The following LAPTM5 variants were observed in gnomAD, a reference collection of about 807,000 sequenced individuals.
The protein encoded by LAPTM5 is lysosomal protein transmembrane 5, also known as lysosomal-associated transmembrane protein 5.
In LAPTM5, 11 loss-of-function variants were observed where a neutral mutation model predicts 30.1. The ratio of observed to expected loss-of-function variants is 0.37; its 90% confidence interval spans 0.23 to 0.60. The LOEUF (loss-of-function observed/expected upper bound fraction) is 0.60, where lower values mean the gene tolerates loss of function less well. Ranked by LOEUF, LAPTM5 falls within the 20% of genes least tolerant of loss-of-function variation. LAPTM5 has a pLI of 0.71. For missense variants in LAPTM5, 324 were observed against 332.5 expected, an observed-to-expected ratio of 0.97 and a Z score of 0.20; for synonymous variants, 151 against 137.9, an observed-to-expected ratio of 1.10 and a Z score of -0.67.
At chr1:30,753,778 C>T (rs568112260) in intron 1 of LAPTM5, among the ~76,000 whole-genome samples, 198 of 152,268 alleles carry the variant, frequency 1.3e-3, no homozygotes, top group Non-Finnish European at 2.3e-3. Context: ...TAACAGCCCA[C>T]GAATATTCAT....
intron 2 of LAPTM5, 35 bp from the exon 3 acceptor site, chr1:30,741,751 G>A: frequency 6.5e-7 from 1 of 1,533,040 alleles, no homozygotes; most frequent in Non-Finnish European, 8.9e-7. Flanking sequence ...GTGCTCAGGG[G>A]TGCCCCTGGG....
chr1:30,738,727 C>T (rs1639924927), intron 5 of LAPTM5, among the ~76,000 whole-genome samples: 1 of 152,234 alleles, frequency 6.6e-6, no homozygotes, highest in Non-Finnish European at 1.5e-5. Flanking sequence ...TGCTTCTTTG[C>T]TTGGCTTCCT....
Position 30,733,765 on chromosome 1 carries a change from C to T in LAPTM5, c.*63G>A. Reference sequence around the variant, plus strand: ...ACCCAGGCCACAGGGGCCACCAAAGCAAAAAAGCAGATTATGAGGCAGCTC... The same window carrying T: ...ACCCAGGCCACAGGGGCCACCAAAGTAAAAAAGCAGATTATGAGGCAGCTC... On this transcript the variant is annotated 3_prime_UTR_variant, in exon 8 of 8. Coordinates refer to ENST00000294507, the MANE Select transcript of LAPTM5 (RefSeq NM_006762.3). 1 of 1,555,660 alleles carries T rather than the reference C, an allele frequency of 6.4e-7. No homozygotes were observed. Among genetic ancestry groups the T allele is most frequent in the South Asian group, 1.2e-5 (1 of 84,624 alleles).
chr1:30,737,633 T>C lies in LAPTM5; in HGVS notation c.577A>G (p.Ile193Val). The change falls in exon 6 of 8, where the codon ATC (isoleucine) becomes GTC (valine). Residue 193 changes from isoleucine (I) to valine (V), a missense_variant. By Grantham distance (29) the Ile-to-Val change is conservative. Transcript: ENST00000294507. ...QFIKMMIIFS[I>V]AFITVLIFKV... ...AAGATAAGGACAGTGATGAAGGCGATGGAAAAGATGATCATCATCTTGATG... is the reference window on the plus strand; with the variant it reads ...AAGATAAGGACAGTGATGAAGGCGACGGAAAAGATGATCATCATCTTGATG... 2.5e-6 allele frequency: 4 copies of C among 1,613,612 alleles called. No individual in the cohort carries two copies. Among genetic ancestry groups the C allele is most frequent in the Non-Finnish European group, 3.4e-6 (4 of 1,179,740 alleles).
intron 6 of LAPTM5, among the ~76,000 whole-genome samples, chr1:30,737,176 A>C (rs895649138): frequency 6.6e-6 from 1 of 152,106 alleles, no homozygotes; most frequent in Non-Finnish European, 1.5e-5. Context: ...CTCATCACCA[A>C]ACCTCTATTA....
At chr1:30,755,394 T>C (rs1640195859) in intron 1 of LAPTM5, among the ~76,000 whole-genome samples, 1 of 152,048 alleles carries the variant, frequency 6.6e-6, no homozygotes, top group African/African-American at 2.4e-5. Flanking sequence ...TCCAACTTCT[T>C]AGCTTGTCAC....
chr1:30,749,276 T>C, intron 1 of LAPTM5, among the ~76,000 whole-genome samples: 1 of 152,184 alleles, frequency 6.6e-6, no homozygotes, highest in Non-Finnish European at 1.5e-5. Context: ...CATTTCTACG[T>C]AATTCTACAG....
chr1:30,732,868 G>A lies in LAPTM5; in HGVS notation c.*960C>T, dbSNP rs1164582785. On this transcript the variant is annotated 3_prime_UTR_variant, in exon 8 of 8. Coordinates refer to ENST00000294507, the MANE Select transcript of LAPTM5 (RefSeq NM_006762.3). Reference sequence around the variant, plus strand: ...AGATTCGCCTATGACTGAATCGACTGAATGGATGGCCAGCGACAGCCTGGC... The same window carrying A: ...AGATTCGCCTATGACTGAATCGACTAAATGGATGGCCAGCGACAGCCTGGC... 6.6e-6 allele frequency: 1 copy of A among 152,290 alleles called. No individual in the cohort carries two copies. Among genetic ancestry groups the A allele is most frequent in the Non-Finnish European group, 1.5e-5 (1 of 68,102 alleles). The allele number at this position is 152,290 out of a possible 1,614,324, so 9.4% of individuals were successfully genotyped here.
intron 1 of LAPTM5, among the ~76,000 whole-genome samples, chr1:30,747,671 A>G (rs1351700506): frequency 2.0e-5 from 3 of 152,096 alleles, no homozygotes; most frequent in Non-Finnish European, 4.4e-5. Context: ...CAACAGGTTG[A>G]GCTAAAAGAA....
At chr1:30,752,755 T>A (rs1382064346) in intron 1 of LAPTM5, among the ~76,000 whole-genome samples, 1 of 152,054 alleles carries the variant, frequency 6.6e-6, no homozygotes, top group Non-Finnish European at 1.5e-5. Flanking sequence ...ATGGGTGAAC[T>A]TACCTGCACG....
intron 1 of LAPTM5, among the ~76,000 whole-genome samples, chr1:30,748,454 G>T (rs1348932531): frequency 6.6e-6 from 1 of 152,100 alleles, no homozygotes; most frequent in Non-Finnish European, 1.5e-5. Flanking sequence ...CCTCCCTGAA[G>T]CTCAGTCCCC....
rs185196442 is a variant in LAPTM5 at position 30,742,307 on chromosome 1, T to C, written c.181+149A>G. 4.2e-5 allele frequency: 26 copies of C among 619,314 alleles called. No homozygotes were observed. In the African/African-American group the frequency reaches 4.8e-4, roughly 11 times the overall value. 38.4% of individuals were successfully genotyped at this position (619,314 alleles called of 1,614,324 possible). A position where few individuals can be genotyped will look rare whatever the true frequency, so the allele number is the denominator to read the frequency against. ...CATCCCCATTTGCGGATGAAACAGC[T>C]GAGGCCCCAAGAAAGGAAGACACTT... On this transcript the variant is annotated intron_variant, in intron 2 of 7. Coordinates refer to ENST00000294507, the MANE Select transcript of LAPTM5 (RefSeq NM_006762.3).
intron 5 of LAPTM5, among the ~76,000 whole-genome samples, chr1:30,738,188 G>C (rs1190028707): frequency 1.3e-5 from 2 of 152,186 alleles, no homozygotes; most frequent in African/African-American, 4.8e-5. Context: ...CCTTCTAAAG[G>C]TGGTGTTTAT....
intron 5 of LAPTM5, 70 bp from the exon 6 acceptor site, chr1:30,737,769 G>A (rs1639909270): frequency 1.0e-6 from 1 of 998,828 alleles, no homozygotes; most frequent in Middle Eastern, 2.1e-4. Flanking sequence ...CACACATCCG[G>A]GAATAATGAT....
intron 1 of LAPTM5, among the ~76,000 whole-genome samples, chr1:30,748,670 C>G (rs1001395677): frequency 6.6e-6 from 1 of 152,244 alleles, no homozygotes; most frequent in African/African-American, 2.4e-5. Flanking sequence ...CCACCAGACG[C>G]CCCCATTCCT....
chr1:30,749,351 G>A (rs1640096259), intron 1 of LAPTM5, among the ~76,000 whole-genome samples: 1 of 152,192 alleles, frequency 6.6e-6, no homozygotes, highest in Non-Finnish European at 1.5e-5. Context: ...TGGCGAGGCG[G>A]GGGCTCTAGG....
chr1:30,748,141 G>T (rs1271296014), intron 1 of LAPTM5, among the ~76,000 whole-genome samples: 1 of 152,050 alleles, frequency 6.6e-6, no homozygotes, highest in African/African-American at 2.4e-5. Context: ...TTTTCAGGGA[G>T]GTAAAGGTTA....
rs1569850130 is a variant in LAPTM5 at position 30,733,612 on chromosome 1, G to C, written c.*216C>G. On this transcript the variant is annotated 3_prime_UTR_variant, in exon 8 of 8. Transcript: ENST00000294507. The stretch of plus-strand genomic sequence containing the variant: ...AAGCATTGTTGGGCTGAATTATGGA[G>C]AGACCCGAGGAGTGACTCAGCCTAA... 6 of 1,530,218 alleles carry C rather than the reference G, an allele frequency of 3.9e-6. No homozygotes were observed. The East Asian group carries it at 1.5e-4, about 38-fold the overall frequency. The allele number at this position is 1,530,218 out of a possible 1,614,324, so 94.8% of individuals were successfully genotyped here. A position where few individuals can be genotyped will look rare whatever the true frequency, so the allele number is the denominator to read the frequency against.
At chr1:30,751,293 C>T (rs567832014) in intron 1 of LAPTM5, among the ~76,000 whole-genome samples, 189 of 152,360 alleles carry the variant, frequency 1.2e-3, no homozygotes, top group African/African-American at 4.4e-3. Context: ...CTCCGTGAAG[C>T]GCACAGAGCT....
Sources: allele counts gnomAD v4.1 joint callset (sites outside exome capture counted in the v4.1 genomes callset), GRCh38; gene constraint gnomAD v4.1.1; transcripts MANE v1.5; gene names NCBI Gene and HGNC (gene_info 2026-07-23, HGNC 2026-07-21).